Variants in PLCL1 observed in about 807,000 individuals in gnomAD.
PLCL1 encodes phospholipase C like 1 (inactive).
A neutral mutation model predicts 84.4 loss-of-function variants in PLCL1; 41 were observed. The ratio of observed to expected loss-of-function variants is 0.49; its 90% confidence interval spans 0.38 to 0.63. The LOEUF is 0.63. PLCL1 is among the 30% of genes least tolerant of loss of function. The pLI is 0.00. For synonymous variants in PLCL1, 490 were observed against 488.3 expected (o/e 1.00, Z -0.05); for missense variants, 1,206 against 1,367.8 (o/e 0.88, Z 1.87).
chr2:197,838,928 A>G (rs1363277126), intron 1 of PLCL1, among the ~76,000 whole-genome samples: 1 of 152,216 alleles, frequency 6.6e-6, no homozygotes, highest in Non-Finnish European at 1.5e-5. Context: ...TAGAAATATG[A>G]CAATGAGTAA....
At chr2:197,819,931 G>T (rs1690782319) in intron 1 of PLCL1, among the ~76,000 whole-genome samples, 1 of 150,962 alleles carries the variant, frequency 6.6e-6, no homozygotes, top group South Asian at 2.1e-4. Flanking sequence ...TATGTAGTAG[G>T]GTTGGGGGAA....
intron 1 of PLCL1, among the ~76,000 whole-genome samples, chr2:197,925,864 T>C (rs1290213458): frequency 6.6e-6 from 1 of 152,142 alleles, no homozygotes; most frequent in East Asian, 1.9e-4. Flanking sequence ...TTCTACTCAG[T>C]TTTAAATGCT....
At chr2:198,125,550 A>G (rs780342958) in intron 5 of PLCL1, among the ~76,000 whole-genome samples, 1 of 152,144 alleles carries the variant, frequency 6.6e-6, no homozygotes, top group Non-Finnish European at 1.5e-5. Flanking sequence ...TTTTTCAAGT[A>G]CAAGAGAAAA....
intron 1 of PLCL1, among the ~76,000 whole-genome samples, chr2:197,944,570 G>T (rs1470842513): frequency 6.6e-6 from 1 of 152,200 alleles, no homozygotes; most frequent in East Asian, 1.9e-4. Context: ...TGTGCAGTTT[G>T]TGTTGTGTAA....
rs560176966 is a variant in PLCL1 at position 197,935,656 on chromosome 2, C to T, written c.240+130317C>T. Among the ~76,000 whole-genome samples the T allele has an allele frequency of 1.1e-4, 17 of 152,202 alleles. No homozygotes were observed. The South Asian group carries it at 3.1e-3, about 28-fold the overall frequency. ...GGGAGAGGATCGAAAAACTACCTAT[C>T]GGGTACCATGCTTATTACCGGGGTG... is the stretch of plus-strand genomic sequence containing the variant. On this transcript the variant is annotated intron_variant, in intron 1 of 5. Transcript: ENST00000428675.
At chr2:198,070,404 GA>G (rs1692435507) in intron 1 of PLCL1, among the ~76,000 whole-genome samples, 1 of 151,982 alleles carries the variant, frequency 6.6e-6, no homozygotes, top group African/African-American at 2.4e-5. Flanking sequence ...TGATTTAAGA[GA>G]AGATACACAT....
chr2:198,021,149 C>G (rs187677970), intron 1 of PLCL1, among the ~76,000 whole-genome samples: 4 of 152,280 alleles, frequency 2.6e-5, no homozygotes, highest in Admixed American at 6.5e-5. Flanking sequence ...TGAATGACTA[C>G]TGGGTAAATA....
In PLCL1 at chr2:197,805,190, G is replaced by C; in HGVS notation, c.91G>C (p.Gly31Arg). 1.6e-6 allele frequency: 2 copies of C among 1,280,412 alleles called. No individual in the cohort carries two copies. Among genetic ancestry groups the C allele is most frequent in the Non-Finnish European group, 2.0e-6 (2 of 1,015,904 alleles). The allele number at this position is 1,280,412 out of a possible 1,614,324, so 79.3% of individuals were successfully genotyped here. A position where few individuals can be genotyped will look rare whatever the true frequency, so the allele number is the denominator to read the frequency against. ...DDPRVGPDAA[G>R]DCVTAASGGR... ...CCCCCGAGTGGGCCCGGATGCCGCC[G>C]GGGACTGCGTGACGGCGGCCTCTGG... Residue 31 changes from glycine to arginine, a missense_variant, in exon 1 of 6, where the codon GGG becomes CGG. Transcript: ENST00000428675. This position sits in a 1 kb window ranked among gnomAD's most constrained non-coding sequence, Gnocchi z 4.0.
chr2:198,075,921 T>C (rs1265959543), intron 1 of PLCL1, among the ~76,000 whole-genome samples: 1 of 152,226 alleles, frequency 6.6e-6, no homozygotes, highest in Non-Finnish European at 1.5e-5. Context: ...TCAGTCAATC[T>C]TTGTGTAAAT....
chr2:197,935,228 A>T (rs1409791012), intron 1 of PLCL1, among the ~76,000 whole-genome samples: 1 of 152,174 alleles, frequency 6.6e-6, no homozygotes, highest in Non-Finnish European at 1.5e-5. Flanking sequence ...GCAGTGTGGC[A>T]ATTTCTCAAA....
At chr2:197,884,618 C>T (rs1280280823) in intron 1 of PLCL1, among the ~76,000 whole-genome samples, 8 of 152,158 alleles carry the variant, frequency 5.3e-5, no homozygotes. Context: ...CTATCACTAT[C>T]CACCAGATAG....
At chr2:197,930,798 C>G (rs1393555151) in intron 1 of PLCL1, among the ~76,000 whole-genome samples, 2 of 152,170 alleles carry the variant, frequency 1.3e-5, no homozygotes, top group Non-Finnish European at 2.9e-5. Flanking sequence ...TTATTAATAA[C>G]ATTTTTAACT....
Position 198,085,548 on chromosome 2 carries a change from G to A in PLCL1, c.2031G>A (p.Met677Ile). 6.2e-7 allele frequency: 1 copy of A among 1,613,598 alleles called. No homozygotes were observed. The highest frequency in any genetic ancestry group is 8.5e-7 in the Non-Finnish European group (1 of 1,179,510). The change falls in exon 2 of 6, where the codon ATG becomes ATA. Residue 677 changes from methionine to isoleucine, a missense_variant. By Grantham distance (10) the Met-to-Ile change is conservative (BLOSUM62 1). Transcript: ENST00000428675. The surrounding 1 kb of genome is among the most constrained non-coding windows in gnomAD (Gnocchi z 5.3). ...TGAATTTTCAGACTCCGGGTCCAAT[G>A]ATGGACCTTCACACGGGCTGGTTTC... Reference protein sequence around the residue: ...VAMNFQTPGPMMDLHTGWFLQ... With the variant: ...VAMNFQTPGPIMDLHTGWFLQ...
At chr2:198,030,639 T>A (rs1691387963) in intron 1 of PLCL1, among the ~76,000 whole-genome samples, 1 of 152,180 alleles carries the variant, frequency 6.6e-6, no homozygotes, top group African/African-American at 2.4e-5. Context: ...TGTAAATGCT[T>A]TACATGTCAT....
chr2:197,956,422 T>C (rs926716631), intron 1 of PLCL1, among the ~76,000 whole-genome samples: 1 of 152,206 alleles, frequency 6.6e-6, no homozygotes, highest in African/African-American at 2.4e-5. Flanking sequence ...TTATGATCTT[T>C]TGGGTATATA....
At chr2:197,888,417 G>T (rs767391554) in intron 1 of PLCL1, among the ~76,000 whole-genome samples, 2 of 152,058 alleles carry the variant, frequency 1.3e-5, no homozygotes, top group Non-Finnish European at 2.9e-5. Flanking sequence ...AAACATTAAG[G>T]GCTTATGAAC....
intron 1 of PLCL1, among the ~76,000 whole-genome samples, chr2:197,812,179 T>C (rs371973894): frequency 3.3e-5 from 5 of 152,244 alleles, no homozygotes; most frequent in East Asian, 1.9e-4. Flanking sequence ...TATTCCATAG[T>C]GTATGCTTCC....
chr2:197,926,273 G>C (rs1199107891), intron 1 of PLCL1, among the ~76,000 whole-genome samples: 1 of 152,204 alleles, frequency 6.6e-6, no homozygotes, highest in African/African-American at 2.4e-5. Context: ...GGAATAAGTA[G>C]TGACACATAG....
chr2:198,128,390 A>G (rs1021784084), intron 5 of PLCL1, among the ~76,000 whole-genome samples: 3 of 152,156 alleles, frequency 2.0e-5, no homozygotes, highest in Non-Finnish European at 2.9e-5. Flanking sequence ...TATTGCTCCA[A>G]TCTGTCTCCC....
Sources: gnomAD v4.1 joint callset for allele counts (sites outside exome capture counted in the v4.1 genomes callset) on GRCh38, gnomAD v4.1.1 for gene constraint, Gnocchi (gnomAD v3.1) non-coding constraint, MANE v1.5 for transcripts, NCBI Gene and HGNC (gene_info 2026-07-23, HGNC 2026-07-21) for gene names.